Variants in ANTXR2 observed in about 807,000 individuals in gnomAD.
ANTXR2 encodes the protein ANTXR cell adhesion molecule 2.
ANTXR2 carries 44 observed loss-of-function variants against 73.7 expected under a neutral mutation model. The ratio of observed to expected loss-of-function variants is 0.60; its 90% CI spans 0.47 to 0.77. The LOEUF is 0.77. Ranked by LOEUF, ANTXR2 falls within the 30% of genes least tolerant of loss-of-function variation. The pLI, the probability that ANTXR2 is intolerant of heterozygous loss-of-function variation, is 0.00. For synonymous variants in ANTXR2, 217 were observed against 205.9 expected, an observed-to-expected ratio of 1.05 and a Z score of -0.46; for missense variants, 604 against 592.5, an observed-to-expected ratio of 1.02 and a Z score of -0.20.
chr4:80,007,080 T>C (rs1401483420), intron 12 of ANTXR2, among the ~76,000 whole-genome samples: 2 of 151,928 alleles, frequency 1.3e-5, no homozygotes, highest in Non-Finnish European at 2.9e-5. Context: ...TTGTCTCTAC[T>C]GTTATCTGAG....
At position 80,055,410 on chromosome 4, in the gene ANTXR2, G is replaced by A; in HGVS notation, c.436C>T (p.Leu146=). 6.2e-7 allele frequency: 1 copy of A among 1,611,218 alleles called. No individual in the cohort carries two copies. The highest frequency in any genetic ancestry group is 8.5e-7 in the Non-Finnish European group (1 of 1,178,378). Residue 146 remains leucine (L), a synonymous_variant, in exon 5 of 17, where the codon CTG becomes TTG. Coordinates refer to ENST00000403729, the MANE Select transcript of ANTXR2 (RefSeq NM_058172.6). ...AGACCGTCCAACTTGCCATCTGTCA[G>A]AGCAATTATGATACTGGAGGTTTTC... is the stretch of plus-strand genomic sequence containing the variant. ...GLKTSSIIIA[L]TDGKLDGLVP...
chr4:80,033,224 A>G (rs974494153), intron 9 of ANTXR2, among the ~76,000 whole-genome samples: 1 of 151,988 alleles, frequency 6.6e-6, no homozygotes, highest in African/African-American at 2.4e-5. Flanking sequence ...TTAGCCACAA[A>G]CCATCATCTG....
intron 12 of ANTXR2, among the ~76,000 whole-genome samples, chr4:79,987,126 C>T (rs1412499704): frequency 6.6e-6 from 1 of 152,048 alleles, no homozygotes; most frequent in Non-Finnish European, 1.5e-5. Context: ...TCAATAACTC[C>T]CCCAGAAATG....
At chr4:80,066,569 A>T (rs1734505072) in intron 3 of ANTXR2, among the ~76,000 whole-genome samples, 1 of 152,252 alleles carries the variant, frequency 6.6e-6, no homozygotes, top group African/African-American at 2.4e-5. Context: ...TGTAAGCATG[A>T]TTCTTCTCTG....
At chr4:79,991,986 T>C (rs1730492135) in intron 12 of ANTXR2, among the ~76,000 whole-genome samples, 1 of 151,778 alleles carries the variant, frequency 6.6e-6, no homozygotes. Context: ...AAGGTGAGGG[T>C]TGAAAAACTA....
chr4:80,037,626 C>T (rs1479240711), intron 7 of ANTXR2, among the ~76,000 whole-genome samples: 3 of 152,114 alleles, frequency 2.0e-5, no homozygotes, highest in African/African-American at 7.2e-5. Context: ...TCTACAATAA[C>T]CAACATTCAC....
chr4:80,045,493 T>A (rs1733476862), intron 7 of ANTXR2, among the ~76,000 whole-genome samples: 1 of 151,544 alleles, frequency 6.6e-6, no homozygotes, highest in Admixed American at 6.6e-5. Context: ...TCCAGGTGTG[T>A]CCTTAACAGA....
intron 16 of ANTXR2, among the ~76,000 whole-genome samples, chr4:79,954,159 T>A (rs1445503930): frequency 6.6e-6 from 1 of 152,080 alleles, no homozygotes; most frequent in African/African-American, 2.4e-5. Flanking sequence ...CAACTTGAGA[T>A]CTCTATATAG....
intron 10 of ANTXR2, among the ~76,000 whole-genome samples, chr4:80,019,264 G>C (rs1732039893): frequency 6.6e-6 from 1 of 152,168 alleles, no homozygotes; most frequent in South Asian, 2.1e-4. Flanking sequence ...CTACTCAGGA[G>C]GCTGAGGCAG....
chr4:80,047,873 C>A (rs1346682381), intron 7 of ANTXR2, among the ~76,000 whole-genome samples: 1 of 151,620 alleles, frequency 6.6e-6, no homozygotes, highest in African/African-American at 2.4e-5. Flanking sequence ...TAGTTACAGG[C>A]CAGTAACATT....
intron 12 of ANTXR2, among the ~76,000 whole-genome samples, chr4:79,996,120 G>A (rs1407848756): frequency 6.6e-6 from 1 of 151,944 alleles, no homozygotes; most frequent in Non-Finnish European, 1.5e-5. Flanking sequence ...TATATACAAA[G>A]AGAAAACACA....
chr4:80,072,392 C>G lies in ANTXR2; in HGVS notation c.152+17G>C. On this transcript the variant is annotated intron_variant, in intron 1 of 16. Transcript: ENST00000403729. ...CCGCCCTCACCAGGAGACCCTGGAC[C>G]TCCCTCGCACACTCACTTGTCCAGG... 1.3e-6 allele frequency: 2 copies of G among 1,576,684 alleles called. No individual in the cohort carries two copies. The highest frequency in any genetic ancestry group is 1.7e-6 in the Non-Finnish European group (2 of 1,160,614).
intron 16 of ANTXR2, among the ~76,000 whole-genome samples, chr4:79,924,740 C>T (rs1727716580): frequency 6.6e-6 from 1 of 152,072 alleles, no homozygotes; most frequent in East Asian, 1.9e-4. Flanking sequence ...ACAAAGCTTA[C>T]TTCCTTTAAA....
chr4:80,009,899 A>G (rs879520694), intron 11 of ANTXR2, among the ~76,000 whole-genome samples: 3 of 151,484 alleles, frequency 2.0e-5, no homozygotes, highest in Non-Finnish European at 2.9e-5. Context: ...GAAAGAATGA[A>G]CTCTAAAGAA....
chr4:79,981,291 A>C (rs1186885585), intron 14 of ANTXR2, among the ~76,000 whole-genome samples: 4 of 152,238 alleles, frequency 2.6e-5, no homozygotes, highest in South Asian at 4.1e-4. Context: ...CCTGAAACCC[A>C]TGAAGTGCCA....
At chr4:80,002,770 C>G (rs1406970929) in intron 12 of ANTXR2, among the ~76,000 whole-genome samples, 1 of 151,812 alleles carries the variant, frequency 6.6e-6, no homozygotes, top group East Asian at 1.9e-4. Flanking sequence ...AGACACTTCT[C>G]AAAAGAAGAC....
At chr4:80,036,113 C>T (rs1360339399) in intron 7 of ANTXR2, 81 bp from the exon 8 acceptor site, 15 of 1,148,728 alleles carry the variant, frequency 1.3e-5, no homozygotes, top group East Asian at 2.7e-5. Flanking sequence ...TTAGTAATAA[C>T]CTTGAGGTCT....
At chr4:79,980,970 C>A (rs1353648426) in intron 14 of ANTXR2, among the ~76,000 whole-genome samples, 4 of 145,966 alleles carry the variant, frequency 2.7e-5, no homozygotes, top group Non-Finnish European at 4.5e-5. Flanking sequence ...TTTGAATAAG[C>A]ATGCTTTTAA....
Position 80,069,462 on chromosome 4 carries a change from A to T in ANTXR2, c.270T>A (p.Thr90=). The change falls in exon 3 of 17, where the codon ACT becomes ACA. Residue 90 remains threonine (T), a synonymous_variant. Transcript: ENST00000403729. The part of the protein sequence containing the change: ...LSFIVFSSQA[T]IILPLTGDRG... ...TGTCTCCAGTTAATGGCAAAATAAT[A>T]GTTGCTTGAGAAGAAAACACAATGA... 1 of 1,605,876 alleles carries T rather than the reference A, an allele frequency of 6.2e-7. No homozygotes were observed.
Sources: allele counts gnomAD v4.1 joint callset (sites outside exome capture counted in the v4.1 genomes callset), GRCh38; gene constraint gnomAD v4.1.1; transcripts MANE v1.5; gene names NCBI Gene and HGNC (gene_info 2026-07-23, HGNC 2026-07-21).